The following PURG variants were observed in gnomAD, a reference collection of about 807,000 sequenced individuals.
PURG encodes the protein purine-rich element-binding protein gamma.
PURG carries 3 observed loss-of-function variants against 24.3 expected under a neutral mutation model. The ratio of observed to expected loss-of-function variants is 0.12; its 90% CI spans 0.06 to 0.32. The LOEUF (loss-of-function observed/expected upper bound fraction) is 0.32, where lower values mean the gene tolerates loss of function less well. Among genes scored for constraint, PURG ranks in the 10% least tolerant of loss-of-function variants. The pLI, the probability that PURG is intolerant of heterozygous loss-of-function variation, is 1.00. For synonymous variants in PURG, 180 were observed against 173.1 expected (o/e 1.04, Z -0.31); for missense variants, 371 against 439.1 (o/e 0.84, Z 1.39).
chr8:31,011,253 A>C (rs1245321880), intron 1 of PURG, among the ~76,000 whole-genome samples: 1 of 152,236 alleles, frequency 6.6e-6, no homozygotes, highest in Non-Finnish European at 1.5e-5. Flanking sequence ...TGCTTTCCTC[A>C]TCTAACTGCC....
chr8:31,007,044 T>C (rs1464255947), intron 1 of PURG, among the ~76,000 whole-genome samples: 1 of 152,232 alleles, frequency 6.6e-6, no homozygotes, highest in Non-Finnish European at 1.5e-5. Context: ...GACAACAGAT[T>C]CTTAGCTATC....
intron 1 of PURG, among the ~76,000 whole-genome samples, chr8:31,003,978 T>G (rs1585353053): frequency 6.6e-6 from 1 of 152,150 alleles, no homozygotes; most frequent in African/African-American, 2.4e-5. Flanking sequence ...TCAGCCACCT[T>G]TTTGGTAACT....
At chr8:31,025,065 AAAGT>A (rs1811066301) in intron 1 of PURG, among the ~76,000 whole-genome samples, 1 of 152,044 alleles carries the variant, frequency 6.6e-6, no homozygotes, top group South Asian at 2.1e-4. Flanking sequence ...TTCATATCAC[AAAGT>A]AACTTCACTA....
intron 1 of PURG, among the ~76,000 whole-genome samples, chr8:31,007,987 G>GT (rs754886575): frequency 6.6e-6 from 1 of 152,110 alleles, no homozygotes; most frequent in Non-Finnish European, 1.5e-5. Flanking sequence ...CTAATGTATT[G>GT]TTTTTTTCTC....
intron 1 of PURG, among the ~76,000 whole-genome samples, chr8:31,011,220 G>T (rs1162652723): frequency 6.6e-6 from 1 of 152,224 alleles, no homozygotes; most frequent in Admixed American, 6.5e-5. Context: ...GGGCTAACAT[G>T]TGACATGTAT....
In PURG at chr8:31,031,743, T is replaced by A; in HGVS notation, c.1040A>T (p.Asp347Val). 1 of 1,546,414 alleles carries A rather than the reference T, an allele frequency of 6.5e-7. No homozygotes were observed. Among genetic ancestry groups the A allele is most frequent in the Non-Finnish European group, 8.7e-7 (1 of 1,144,566 alleles). The part of the protein sequence containing the change: ...KASGEEQECL[D>V] The stretch of plus-strand genomic sequence containing the variant: ...CTGATGGAGTTCAATTTCACTCTAG[T>A]CGAGGCATTCTTGTTCTTCACCACT... The change falls in exon 2 of 2, where the codon GAC becomes GTC. Residue 347 changes from aspartate (D) to valine (V), a missense_variant. Physicochemically the swap from Asp to Val is radical, Grantham distance 152 (BLOSUM62 -3). Coordinates refer to ENST00000523392, the MANE Select transcript of PURG (RefSeq NM_001323311.2).
intron 1 of PURG, among the ~76,000 whole-genome samples, chr8:31,012,917 T>A (rs1810790769): frequency 6.6e-6 from 1 of 152,246 alleles, no homozygotes; most frequent in East Asian, 1.9e-4. Context: ...ATAGCATAGA[T>A]ATACTGAGTA....
Position 31,032,635 on chromosome 8 carries a change from G to C in PURG, c.148C>G (p.Gln50Glu). 1 of 1,592,514 alleles carries C rather than the reference G, an allele frequency of 6.3e-7. No individual in the cohort carries two copies. ...TGGATTTCGGCTGCGCCCCCGGCCT[G>C]ATTAGGGGTGGCTGAGGCCGCGTAG... The part of the protein sequence containing the change: ...PHYAASATPN[Q>E]AGGAAEIQEL... Residue 50 changes from glutamine to glutamate, a missense_variant, in exon 2 of 2, where the codon CAG (glutamine) becomes GAG (glutamate). This residue lies in a region of PURG where 213 missense variants were observed against 230.6 expected (regional missense o/e 0.92). Transcript: ENST00000523392. This position sits in a 1 kb window ranked among gnomAD's most constrained non-coding sequence, Gnocchi z 5.9.
At chr8:31,029,250 G>A (rs1409950365), downstream of PURG, among the ~76,000 whole-genome samples, 1 of 151,666 alleles carries the variant, frequency 6.6e-6, no homozygotes, top group African/African-American at 2.4e-5. Flanking sequence ...ACTGGCAGAA[G>A]GCTTAATAAT....
chr8:31,000,036 T>C (rs953216444), intron 1 of PURG, among the ~76,000 whole-genome samples: 1 of 152,102 alleles, frequency 6.6e-6, no homozygotes, highest in African/African-American at 2.4e-5. Context: ...TACATATACA[T>C]CTTGTCTCCA....
chr8:31,026,355 T>A (rs1270264720), downstream of PURG, among the ~76,000 whole-genome samples: 1 of 151,556 alleles, frequency 6.6e-6, no homozygotes, highest in Admixed American at 6.6e-5. Context: ...GAAGGCAAGA[T>A]GGCTAGGAAG....
At chr8:31,028,830 G>C (rs1049227629), downstream of PURG, among the ~76,000 whole-genome samples, 2 of 151,830 alleles carry the variant, frequency 1.3e-5, no homozygotes, top group Non-Finnish European at 3.0e-5. Context: ...GTTTGAGCCT[G>C]TACCACATTA....
At chr8:31,012,535 G>C (rs2129801144) in intron 1 of PURG, among the ~76,000 whole-genome samples, 1 of 152,324 alleles carries the variant, frequency 6.6e-6, no homozygotes, top group East Asian at 1.9e-4. Context: ...TGTCAGATGA[G>C]AGACGAAACC....
intron 1 of PURG, among the ~76,000 whole-genome samples, chr8:30,998,667 G>A (rs1810477011): frequency 6.6e-6 from 1 of 151,798 alleles, no homozygotes; most frequent in Non-Finnish European, 1.5e-5. Flanking sequence ...AGCGAAGGAT[G>A]TATAATTTCT....
At chr8:31,019,999 T>C (rs2129822873) in intron 1 of PURG, among the ~76,000 whole-genome samples, 2 of 152,038 alleles carry the variant, frequency 1.3e-5, no homozygotes, top group Middle Eastern at 3.4e-3. Context: ...GGCAAAACCC[T>C]GTTTCTACCA....
In PURG at chr8:31,013,825, G is replaced by A. The variant is rs1027902700; in HGVS notation, c.865-17128C>T. Among the ~76,000 whole-genome samples, 7 of 152,140 alleles carry A rather than the reference G, an allele frequency of 4.6e-5. No individual in the cohort carries two copies. The South Asian group carries it at 1.2e-3, about 27-fold the overall frequency. On this transcript the variant is annotated intron_variant, in intron 1 of 1. Transcript: ENST00000339382. The stretch of plus-strand genomic sequence containing the variant: ...AGGGGAGGTTAAGTTCTGACATCAC[G>A]TGCTCTGAGGAACGCATGGAATTAA...
At chr8:31,012,279 TG>T (rs1203401716) in intron 1 of PURG, among the ~76,000 whole-genome samples, 1 of 152,212 alleles carries the variant, frequency 6.6e-6, no homozygotes, top group Admixed American at 6.5e-5. Flanking sequence ...CTCTTGGAAC[TG>T]GAAGAATTGC....
In PURG at chr8:30,996,727, C is replaced by G. The variant is rs200552025; in HGVS notation, c.865-30G>C. The G allele has an allele frequency of 7.2e-6, 11 of 1,537,636 alleles. No individual in the cohort carries two copies. In the East Asian group the frequency reaches 1.8e-4, roughly 25 times the overall value. Reference sequence around the variant, plus strand: ...AGAAAAAATATTAATTTGAATTTAGCAAACATGAAGTTTTCAAGGGAGTTC... The same window carrying G: ...AGAAAAAATATTAATTTGAATTTAGGAAACATGAAGTTTTCAAGGGAGTTC... On this transcript the variant is annotated intron_variant, in intron 1 of 1. Coordinates refer to the PURG transcript ENST00000339382.
At chr8:30,997,317 T>A (rs1401340006) in intron 1 of PURG, among the ~76,000 whole-genome samples, 1 of 151,836 alleles carries the variant, frequency 6.6e-6, no homozygotes, top group Non-Finnish European at 1.5e-5. Flanking sequence ...GAGAAACGTC[T>A]GTTACTCAGC....
Sources: allele counts gnomAD v4.1 joint callset (sites outside exome capture counted in the v4.1 genomes callset), GRCh38; gene constraint gnomAD v4.1.1; regional missense constraint gnomAD v4.1.1; non-coding constraint Gnocchi (gnomAD v3.1); transcripts MANE v1.5; gene names NCBI Gene and HGNC (gene_info 2026-07-23, HGNC 2026-07-21).